KDM4D: variants seen among roughly 807,000 people sequenced by gnomAD.
KDM4D encodes the protein lysine demethylase 4D.
For missense variants in KDM4D, 427 were observed against 674.8 expected (o/e 0.63, Z 4.07); for synonymous variants, 254 against 249.1 (o/e 1.02, Z -0.19).
At chr11:94,989,934 T>G (rs1857920997) in intron 2 of KDM4D, among the ~76,000 whole-genome samples, 1 of 151,962 alleles carries the variant, frequency 6.6e-6, no homozygotes, top group South Asian at 2.1e-4. Flanking sequence ...AATTTTTGTA[T>G]TTTAAGTAGA....
chr11:94,976,097 A>G (rs1480816852), intron 2 of KDM4D, among the ~76,000 whole-genome samples: 2 of 152,208 alleles, frequency 1.3e-5, no homozygotes, highest in Non-Finnish European at 2.9e-5. Flanking sequence ...AGAAAAAGAA[A>G]CTTAAGTTTA....
rs1858004746 is a variant in KDM4D at position 94,999,047 on chromosome 11, G to A, written c.*103G>A. 8.5e-7 allele frequency: 1 copy of A among 1,178,072 alleles called. No homozygotes were observed. Among genetic ancestry groups the A allele is most frequent in the Admixed American group, 3.3e-5 (1 of 30,024 alleles). 73.0% of individuals were successfully genotyped at this position (1,178,072 alleles called of 1,614,324 possible). On this transcript the variant is annotated 3_prime_UTR_variant, in exon 3 of 3. Transcript: ENST00000335080. ...CTTTGGTTGAGTTTGCAGGACTCTA[G>A]GCATGCATGAAAGAGCCCCCCTGGT...
At chr11:94,988,137 G>C (rs1857903945) in intron 2 of KDM4D, among the ~76,000 whole-genome samples, 1 of 152,138 alleles carries the variant, frequency 6.6e-6, no homozygotes, top group African/African-American at 2.4e-5. Flanking sequence ...AGAAAACAAG[G>C]AACAGAAGAA....
chr11:94,999,121 A>G lies in KDM4D; in HGVS notation c.*177A>G, dbSNP rs1858005451. The stretch of plus-strand genomic sequence containing the variant: ...CCATGGTAGTTTTCAATTTTGCCAT[A>G]CTTTTGTTCTTCCTACCGGACCCTG... On this transcript the variant is annotated 3_prime_UTR_variant, in exon 3 of 3. Transcript: ENST00000335080. 1 of 522,168 alleles carries G rather than the reference A, an allele frequency of 1.9e-6. No individual in the cohort carries two copies. Among genetic ancestry groups the G allele is most frequent in the African/African-American group, 1.9e-5 (1 of 51,530 alleles). The allele number at this position is 522,168 out of a possible 1,614,324, so 32.3% of individuals were successfully genotyped here. A position where few individuals can be genotyped will look rare whatever the true frequency, so the allele number is the denominator to read the frequency against.
At chr11:94,977,589 G>T (rs1282914200) in intron 2 of KDM4D, among the ~76,000 whole-genome samples, 1 of 151,986 alleles carries the variant, frequency 6.6e-6, no homozygotes, top group Non-Finnish European at 1.5e-5. Flanking sequence ...AATTGCAACT[G>T]TTCTCCCTCT....
In KDM4D at chr11:94,998,182, G is replaced by A; in HGVS notation, c.810G>A (p.Glu270=). 1 of 1,614,232 alleles carries A rather than the reference G, an allele frequency of 6.2e-7. No homozygotes were observed. Among genetic ancestry groups the A allele is most frequent in the South Asian group, 1.1e-5 (1 of 91,090 alleles). ...ATCGCATAACTCAGGAGGCTGGAGA[G>A]TTCATGGTGACCTTTCCCTATGGCT... The part of the protein sequence containing the change: ...PFNRITQEAG[E]FMVTFPYGYH... The change falls in exon 3 of 3, where the codon GAG becomes GAA. Residue 270 remains glutamate (E), a synonymous_variant. Transcript: ENST00000335080. The surrounding 1 kb of genome is among the most constrained non-coding windows in gnomAD (Gnocchi z 6.7).
chr11:94,982,398 A>G (rs1257596170), intron 2 of KDM4D, among the ~76,000 whole-genome samples: 1 of 151,884 alleles, frequency 6.6e-6, no homozygotes, highest in Non-Finnish European at 1.5e-5. Context: ...CTCAGCTTAG[A>G]TGGTAAATGA....
At chr11:94,985,830 A>G (rs79985071) in intron 2 of KDM4D, among the ~76,000 whole-genome samples, 1 of 152,206 alleles carries the variant, frequency 6.6e-6, no homozygotes, top group Non-Finnish European at 1.5e-5. Context: ...AAAGAAAACA[A>G]ATGGTGCTGG....
chr11:94,978,686 T>C (rs1555097255), intron 2 of KDM4D, among the ~76,000 whole-genome samples: 1 of 151,982 alleles, frequency 6.6e-6, no homozygotes, highest in Non-Finnish European at 1.5e-5. Context: ...ATCAAACATA[T>C]TAAAAATAGT....
intron 2 of KDM4D, among the ~76,000 whole-genome samples, chr11:94,984,736 A>C (rs1014023221): frequency 1.2e-4 from 18 of 150,380 alleles, no homozygotes; most frequent in Non-Finnish European, 2.7e-4. Context: ...GCTTGGTGGC[A>C]GGCACCTGTA....
chr11:94,997,820 A>G lies in KDM4D; in HGVS notation c.448A>G (p.Lys150Glu), dbSNP rs782317025. The G allele has an allele frequency of 5.6e-6, 9 of 1,614,242 alleles. No homozygotes were observed. In the South Asian group the frequency reaches 9.9e-5, roughly 18 times the overall value. The change falls in exon 3 of 3, where the codon AAA becomes GAA. Residue 150 changes from lysine to glutamate, a missense_variant. Coordinates refer to ENST00000335080, the MANE Select transcript of KDM4D (RefSeq NM_018039.3). ...TGGCTCCTTGTTTGATGAAAACACT[A>G]AACAATGGAATCTTGGGCACCTGGG... ...ISGSLFDENT[K>E]QWNLGHLGTI...
chr11:94,984,693 T>TAAAAA (rs35239329), intron 2 of KDM4D, among the ~76,000 whole-genome samples: 2 of 87,760 alleles, frequency 2.3e-5, no homozygotes, highest in African/African-American at 9.0e-5. Flanking sequence ...CCATCTCTAC[T>TAAAAA]AAAAAAAAAA....
At chr11:94,989,732 T>C (rs970268587) in intron 2 of KDM4D, among the ~76,000 whole-genome samples, 2 of 142,196 alleles carry the variant, frequency 1.4e-5, no homozygotes, top group Admixed American at 7.3e-5. Flanking sequence ...TTAACCTTCT[T>C]TCTCTCTCTC....
At chr11:94,990,845 G>A (rs587752521) in intron 2 of KDM4D, among the ~76,000 whole-genome samples, 248 of 152,314 alleles carry the variant, frequency 1.6e-3, no homozygotes, top group African/African-American at 5.8e-3. Context: ...AGGAGAATTT[G>A]TTGAAATCTG....
At chr11:94,988,765 A>T (rs1212933876) in intron 2 of KDM4D, among the ~76,000 whole-genome samples, 2 of 152,244 alleles carry the variant, frequency 1.3e-5, no homozygotes, top group Admixed American at 6.5e-5. Context: ...GAGCTACTTA[A>T]TAATCTCTAA....
intron 2 of KDM4D, among the ~76,000 whole-genome samples, chr11:94,979,865 T>A (rs1468887812): frequency 6.6e-6 from 1 of 152,202 alleles, no homozygotes; most frequent in Admixed American, 6.5e-5. Flanking sequence ...TGTTCTATAA[T>A]CTCACCACAC....
intron 2 of KDM4D, among the ~76,000 whole-genome samples, chr11:94,988,082 A>G (rs189821586): frequency 2.0e-5 from 3 of 152,330 alleles, no homozygotes; most frequent in African/African-American, 7.2e-5. Flanking sequence ...TTCTAGCACA[A>G]TGATTGACAA....
intron 2 of KDM4D, among the ~76,000 whole-genome samples, chr11:94,977,118 A>G (rs1857803824): frequency 6.6e-6 from 1 of 152,238 alleles, no homozygotes. Context: ...CAGGCCATTC[A>G]GAAAAAGCAA....
chr11:94,994,337 T>C (rs1857959461), intron 2 of KDM4D, among the ~76,000 whole-genome samples: 1 of 152,154 alleles, frequency 6.6e-6, no homozygotes, highest in African/African-American at 2.4e-5. Flanking sequence ...CACTGGGCCA[T>C]CTAAGTTGGA....
Sources: allele counts gnomAD v4.1 joint callset (sites outside exome capture counted in the v4.1 genomes callset), GRCh38; gene constraint gnomAD v4.1.1; non-coding constraint Gnocchi (gnomAD v3.1); transcripts MANE v1.5; gene names NCBI Gene and HGNC (gene_info 2026-07-23, HGNC 2026-07-21).